The following MAPRE2 variants were observed in gnomAD, a reference collection of about 807,000 sequenced individuals.
The protein encoded by MAPRE2 is microtubule associated protein RP/EB family member 2, also known as microtubule-associated protein RP/EB family member 2.
In MAPRE2, 13 loss-of-function variants were observed where a neutral mutation model predicts 43.2. That is an observed-to-expected ratio of 0.30 (90% CI 0.20 to 0.48). The LOEUF (loss-of-function observed/expected upper bound fraction) is 0.48. Ranked by LOEUF, MAPRE2 falls within the 20% of genes least tolerant of loss-of-function variation. The probability of loss-of-function intolerance (pLI) is 0.99; values close to 1 mark genes in which losing one functional copy is unlikely to be tolerated. For synonymous variants in MAPRE2, 135 were observed against 148.8 expected (o/e 0.91, Z 0.68); for missense variants, 161 against 400.2 (o/e 0.40, Z 5.10).
chr18:34,987,308 C>G (rs1305136885), intron 1 of MAPRE2, among the ~76,000 whole-genome samples: 1 of 152,144 alleles, frequency 6.6e-6, no homozygotes, highest in African/African-American at 2.4e-5. Context: ...GCCTTGCTAC[C>G]TAGATGAGGC....
intron 4 of MAPRE2, among the ~76,000 whole-genome samples, chr18:35,109,581 C>G (rs962687378): frequency 6.6e-6 from 1 of 152,014 alleles, no homozygotes; most frequent in Non-Finnish European, 1.5e-5. Flanking sequence ...AAGTGTTCCT[C>G]TTTATCTTTG....
intron 1 of MAPRE2, among the ~76,000 whole-genome samples, chr18:35,002,555 A>G (rs548708475): frequency 6.6e-5 from 10 of 152,296 alleles, no homozygotes; most frequent in Admixed American, 3.3e-4. Flanking sequence ...TAGTTTCTTC[A>G]AACCCTCGCC....
chr18:34,980,031 C>CTTTTTTTTTTTTTTTTTTTTTTTTTTTTT (rs796434537), intron 1 of MAPRE2, among the ~76,000 whole-genome samples: 2 of 46,152 alleles, frequency 4.3e-5, no homozygotes, highest in Admixed American at 2.9e-4. Context: ...TTCTTTTTTT[C>CTTTTTTTTTTTTTTTTTTTTTTTTTTTTT]TTTTTTTTTT....
chr18:35,045,963 C>T (rs971142948), intron 1 of MAPRE2, among the ~76,000 whole-genome samples: 1 of 152,152 alleles, frequency 6.6e-6, no homozygotes, highest in African/African-American at 2.4e-5. Context: ...TCCGGGTGCT[C>T]TTGCTTTGGG....
chr18:35,101,898 A>G (rs373254626), intron 3 of MAPRE2, 48 bp from the exon 4 acceptor site: 65 of 1,378,042 alleles, frequency 4.7e-5, no homozygotes, highest in Non-Finnish European at 6.3e-5. Flanking sequence ...TTTTGGGTAT[A>G]TACCCAAACG....
Position 35,090,886 on chromosome 18 carries a change from G to A in MAPRE2, c.251-6560G>A, listed in dbSNP as rs186892387. Reference sequence around the variant, plus strand: ...TTTTGTTGCAGGATACAAAATCAGCGTAACAAAAGTCAGCAGCGTTTCTGT... The same window carrying A: ...TTTTGTTGCAGGATACAAAATCAGCATAACAAAAGTCAGCAGCGTTTCTGT... On this transcript the variant is annotated intron_variant, in intron 2 of 6. Transcript: ENST00000300249. Among the ~76,000 whole-genome samples the A allele has an allele frequency of 2.8e-4, 43 of 152,182 alleles. No homozygotes were observed. The East Asian group carries it at 6.9e-3, about 25-fold the overall frequency.
Position 34,997,104 on chromosome 18 carries a change from T to G in MAPRE2, c.-69-8388T>G, listed in dbSNP as rs1452786134. Among the ~76,000 whole-genome samples the G allele has an allele frequency of 3.3e-5, 5 of 152,328 alleles. No homozygotes were observed. The East Asian group carries it at 9.6e-4, about 29-fold the overall frequency. On this transcript the variant is annotated intron_variant, in intron 1 of 7. Transcript: ENST00000413393. ...CATTCATTATTCATTTTTGTATCCC[T>G]TATTCATTTTTGTATCCTCCTTATT...
chr18:35,065,689 G>C (rs961159118), intron 1 of MAPRE2, among the ~76,000 whole-genome samples: 1 of 152,112 alleles, frequency 6.6e-6, no homozygotes, highest in African/African-American at 2.4e-5. Flanking sequence ...TAGTAGCTGG[G>C]ACTACAGGCG....
chr18:35,013,124 G>C (rs2097035828), intron 2 of MAPRE2, among the ~76,000 whole-genome samples: 1 of 152,198 alleles, frequency 6.6e-6, no homozygotes, highest in African/African-American at 2.4e-5. Context: ...TGATCTTGGT[G>C]AGAATAATTT....
rs1908703538 is a variant in MAPRE2, at chr18:35,102,041, G to GA, written c.494dup (p.Glu166GlyfsTer3). 6.2e-7 allele frequency: 1 copy of GA among 1,613,326 alleles called. No homozygotes were observed. The highest frequency in any genetic ancestry group is 8.5e-7 in the Non-Finnish European group (1 of 1,179,726). On this transcript the variant is annotated frameshift_variant, in exon 4 of 7. Coordinates refer to ENST00000300249, the MANE Select transcript of MAPRE2 (RefSeq NM_014268.4). LOFTEE classifies it high-confidence loss of function. ...AATTCTATGATGCTAACTACGATGGGAAGGAGTATGATCCTGTAGAGGCAC... is the reference window on the plus strand; with the variant it reads ...AATTCTATGATGCTAACTACGATGGGAAAGGAGTATGATCCTGTAGAGGCAC...
chr18:35,066,199 T>G (rs1044540801), intron 1 of MAPRE2, among the ~76,000 whole-genome samples: 1 of 152,234 alleles, frequency 6.6e-6, no homozygotes, highest in East Asian at 1.9e-4. Flanking sequence ...AATTCCTACC[T>G]TCCATAGGAT....
chr18:35,003,546 G>A (rs151169115), intron 1 of MAPRE2, among the ~76,000 whole-genome samples: 16 of 134,682 alleles, frequency 1.2e-4, no homozygotes, highest in South Asian at 2.6e-4. Flanking sequence ...GATCCATTGC[G>A]GCTGCTGGAA....
rs1908555716 is a variant in MAPRE2, at chr18:35,099,095, T to G, written c.396+1504T>G. Among the ~76,000 whole-genome samples, 3 of 152,318 alleles carry G rather than the reference T, an allele frequency of 2.0e-5. No individual in the cohort carries two copies. In the South Asian group the frequency reaches 6.2e-4, roughly 32 times the overall value. On this transcript the variant is annotated intron_variant, in intron 3 of 6. Coordinates refer to ENST00000300249, the MANE Select transcript of MAPRE2 (RefSeq NM_014268.4). ...TTCATGTTGATAGAGAATGCAGAAT[T>G]AAGTCCACAGAAGTAAATGCCTTCT...
At chr18:34,985,977 A>G (rs934699324) in intron 1 of MAPRE2, among the ~76,000 whole-genome samples, 2 of 151,860 alleles carry the variant, frequency 1.3e-5, no homozygotes, top group Non-Finnish European at 2.9e-5. Flanking sequence ...ATAATTATCA[A>G]TTGCTTAAAC....
intron 1 of MAPRE2, among the ~76,000 whole-genome samples, chr18:35,044,403 T>C (rs867134066): frequency 1.3e-5 from 2 of 152,326 alleles, no homozygotes; most frequent in South Asian, 4.1e-4. Flanking sequence ...GCTAATTTTG[T>C]ATTTTTAGTA....
At chr18:35,135,565 C>T (rs1255724739) in intron 6 of MAPRE2, among the ~76,000 whole-genome samples, 1 of 152,178 alleles carries the variant, frequency 6.6e-6, no homozygotes, top group Non-Finnish European at 1.5e-5. Context: ...CCCTTGCCTG[C>T]CTTCCCCTAT....
intron 2 of MAPRE2, among the ~76,000 whole-genome samples, chr18:35,089,671 G>A (rs1000398822): frequency 6.6e-5 from 10 of 152,300 alleles, no homozygotes; most frequent in South Asian, 2.1e-4. Flanking sequence ...AAGATGTGGA[G>A]CCCTCATCTG....
intron 6 of MAPRE2, among the ~76,000 whole-genome samples, chr18:35,137,029 A>G (rs2144259862): frequency 6.6e-6 from 1 of 152,292 alleles, no homozygotes; most frequent in South Asian, 2.1e-4. Context: ...AGGCATAGAA[A>G]AAGATTGTTT....
intron 6 of MAPRE2, among the ~76,000 whole-genome samples, chr18:35,136,080 T>C (rs1910379994): frequency 6.6e-6 from 1 of 152,248 alleles, no homozygotes. Context: ...GTTTGGAAGA[T>C]GTGAAAATCC....
Sources: allele counts gnomAD v4.1 joint callset (sites outside exome capture counted in the v4.1 genomes callset), GRCh38; gene constraint gnomAD v4.1.1; transcripts MANE v1.5; gene names NCBI Gene and HGNC (gene_info 2026-07-23, HGNC 2026-07-21).